Variants in MRC1 observed in about 807,000 individuals in gnomAD.
MRC1 encodes macrophage mannose receptor 1.
In MRC1, 62 loss-of-function variants were observed where a neutral mutation model predicts 102.9. That is an observed-to-expected ratio of 0.60 (90% CI 0.49 to 0.74). The LOEUF (loss-of-function observed/expected upper bound fraction) is 0.74, where lower values mean the gene tolerates loss of function less well. MRC1 is among the 30% of genes least tolerant of loss of function. The probability of loss-of-function intolerance (pLI) is 0.00; values close to 1 mark genes in which losing one functional copy is unlikely to be tolerated. For synonymous variants in MRC1, 457 were observed against 298.4 expected, an observed-to-expected ratio of 1.53 and a Z score of -5.48; for missense variants, 1,237 against 862.8, an observed-to-expected ratio of 1.43 and a Z score of -5.43.
At chr10:17,833,970 C>G in intron 4 of MRC1, 131 bp downstream of exon 4, 1 of 647,904 alleles carries the variant, frequency 1.5e-6, no homozygotes, top group Non-Finnish European at 2.8e-6. Flanking sequence ...ATGTGGATGT[C>G]ATGACAAATC....
intron 28 of MRC1, 97 bp from the exon 29 acceptor site, chr10:17,909,209 A>C: frequency 1.4e-6 from 1 of 735,108 alleles, no homozygotes; most frequent in Admixed American, 1.9e-5. Flanking sequence ...ACACACATCA[A>C]ATGTGGAGGA....
At position 17,878,108 on chromosome 10, in the gene MRC1, G is replaced by C. The variant is rs3736955; in HGVS notation, c.2618+141G>C. The C allele has an allele frequency of 3.6e-5, 22 of 617,178 alleles. No homozygotes were observed. The East Asian group carries it at 6.1e-4, about 17-fold the overall frequency. The allele number at this position is 617,178 out of a possible 1,614,324, so 38.2% of individuals were successfully genotyped here. A position where few individuals can be genotyped will look rare whatever the true frequency, so the allele number is the denominator to read the frequency against. ...CAATTGAAAAAGCAACTTGAAAAAA[G>C]GAATTTAAAATGATTCTATTAAATA... On this transcript the variant is annotated intron_variant, in intron 18 of 29. Transcript: ENST00000569591.
At chr10:17,850,767 C>T (rs1358420410) in intron 7 of MRC1, among the ~76,000 whole-genome samples, 3 of 151,914 alleles carry the variant, frequency 2.0e-5, no homozygotes, top group East Asian at 1.9e-4. Flanking sequence ...CTGATTGGGG[C>T]TGGGGGAGGG....
intron 11 of MRC1, 105 bp downstream of exon 11, chr10:17,863,787 C>T: frequency 1.5e-6 from 1 of 682,604 alleles, no homozygotes; most frequent in Non-Finnish European, 2.7e-6. Flanking sequence ...GTAAATTAGT[C>T]ATGCTTTTAG....
At chr10:17,840,942 GT>G in intron 5 of MRC1, 136 bp downstream of exon 5, 1 of 734,122 alleles carries the variant, frequency 1.4e-6, no homozygotes, top group Non-Finnish European at 2.5e-6. Flanking sequence ...ATTTCACCTT[GT>G]TTTGAAATCT....
At chr10:17,873,708 A>T (rs1012558947) in intron 15 of MRC1, 76 bp from the exon 16 acceptor site, 1 of 839,104 alleles carries the variant, frequency 1.2e-6, no homozygotes, top group East Asian at 2.4e-5. Context: ...GACTCATGAA[A>T]ATAGTGACAA....
chr10:17,867,339 CT>C (rs1833287465), intron 12 of MRC1, among the ~76,000 whole-genome samples: 1 of 142,296 alleles, frequency 7.0e-6, no homozygotes, highest in Admixed American at 7.3e-5. Flanking sequence ...CTTCTTCCTC[CT>C]CCTCCTCTTC....
chr10:17,880,133 T>G (rs1833493987), intron 19 of MRC1, among the ~76,000 whole-genome samples: 1 of 152,208 alleles, frequency 6.6e-6, no homozygotes, highest in Admixed American at 6.5e-5. Flanking sequence ...GGCTCCTTAT[T>G]ATTCTGCAAA....
At chr10:17,886,113 T>C (rs1008861196) in intron 22 of MRC1, among the ~76,000 whole-genome samples, 3 of 152,166 alleles carry the variant, frequency 2.0e-5, no homozygotes, top group African/African-American at 7.2e-5. Flanking sequence ...TGAACATGTC[T>C]AGTGACAGCA....
Position 17,833,807 on chromosome 10 carries a change from T to A in MRC1, c.770T>A (p.Ile257Asn). The A allele has an allele frequency of 2.6e-6, 2 of 781,114 alleles. No individual in the cohort carries two copies. The highest frequency in any genetic ancestry group is 3.4e-5 in the African/African-American group (2 of 59,278). 48.4% of individuals were successfully genotyped at this position (781,114 alleles called of 1,614,324 possible). A position where few individuals can be genotyped will look rare whatever the true frequency, so the allele number is the denominator to read the frequency against. Reference protein sequence around the residue: ...CQQQNAELLSITEIHEQTYLT... With the variant: ...CQQQNAELLSNTEIHEQTYLT... ...CAACAGAACGCTGAGCTCCTGAGCA[T>A]CACAGAGATTCATGAGCAAACATAC... The change falls in exon 4 of 30, where the codon ATC (isoleucine) becomes AAC (asparagine). Residue 257 changes from isoleucine (I) to asparagine (N), a missense_variant. By Grantham distance (149) the Ile-to-Asn change is moderately radical. Transcript: ENST00000569591.
intron 29 of MRC1, among the ~76,000 whole-genome samples, 159 bp downstream of exon 29, chr10:17,909,506 T>G (rs1164478637): frequency 6.6e-6 from 1 of 152,138 alleles, no homozygotes; most frequent in Non-Finnish European, 1.5e-5. Flanking sequence ...GAATAATACT[T>G]TAGAAAAAGA....
chr10:17,843,740 A>C (rs1838784286), intron 5 of MRC1, among the ~76,000 whole-genome samples: 1 of 152,180 alleles, frequency 6.6e-6, no homozygotes, highest in Non-Finnish European at 1.5e-5. Context: ...ATAAACTTTA[A>C]AAAAATCATT....
At chr10:17,863,218 T>C (rs894692277) in intron 10 of MRC1, among the ~76,000 whole-genome samples, 118 of 152,332 alleles carry the variant, frequency 7.7e-4, no homozygotes, top group Non-Finnish European at 1.5e-3. Context: ...GCATTAGTTT[T>C]CTTCTTTGTA....
intron 1 of MRC1, among the ~76,000 whole-genome samples, chr10:17,819,636 GC>G (rs1838366007): frequency 6.6e-6 from 1 of 152,102 alleles, no homozygotes; most frequent in African/African-American, 2.4e-5. Flanking sequence ...AGTTGATATT[GC>G]AGTTTGAGAC....
chr10:17,854,671 A>G, intron 8 of MRC1: 1 of 200,730 alleles, frequency 5.0e-6, no homozygotes, highest in Non-Finnish European at 1.0e-5. Context: ...AAGACAGACA[A>G]TACAGAAAAC....
At chr10:17,865,620 G>A (rs913128113) in intron 11 of MRC1, 2 of 152,528 alleles carry the variant, frequency 1.3e-5, no homozygotes, top group Admixed American at 1.3e-4. Context: ...TGGGCAAGGA[G>A]CCTGGGGCTC....
In MRC1 at chr10:17,837,665, G is replaced by T. The variant is rs1225506571; in HGVS notation, c.803-3028G>T. 2.0e-5 allele frequency among the ~76,000 whole-genome samples: 3 copies of T among 151,604 alleles called. No homozygotes were observed. In the East Asian group the frequency reaches 5.8e-4, roughly 29 times the overall value. ...TTTTTTTGAGACAAAGTCTCACTCTGTCGCCCGGGCTGGAGTGCAGTGGCA... is the reference window on the plus strand; with the variant it reads ...TTTTTTTGAGACAAAGTCTCACTCTTTCGCCCGGGCTGGAGTGCAGTGGCA... On this transcript the variant is annotated intron_variant, in intron 4 of 29. Coordinates refer to ENST00000569591, the MANE Select transcript of MRC1 (RefSeq NM_002438.4).
Position 17,900,097 on chromosome 10 carries a change from CAAAAAAAA to C in MRC1, c.3484-679_3484-672del, listed in dbSNP as rs1156472499. On this transcript the variant is annotated intron_variant, in intron 24 of 29. Transcript: ENST00000569591. The stretch of plus-strand genomic sequence containing the variant: ...TGGGGGACAAGAGCGAGACTTCTCT[CAAAAAAAA>C]AAAAAAAAAAAGAAAGAAATTGACT... Among the ~76,000 whole-genome samples the C allele has an allele frequency of 2.5e-4, 27 of 106,856 alleles. No individual in the cohort carries two copies. In the East Asian group the frequency reaches 4.3e-3, roughly 17 times the overall value. The allele number at this position is 106,856 out of a possible 152,430, so 70.1% of individuals were successfully genotyped here.
chr10:17,899,339 C>T (rs1009836893), intron 24 of MRC1, among the ~76,000 whole-genome samples: 49 of 152,238 alleles, frequency 3.2e-4, no homozygotes, highest in African/African-American at 1.1e-3. Flanking sequence ...TTTGATAAGT[C>T]ATTTGTTTTC....
Sources: gnomAD v4.1 joint callset for allele counts (sites outside exome capture counted in the v4.1 genomes callset) on GRCh38, gnomAD v4.1.1 for gene constraint, MANE v1.5 for transcripts, NCBI Gene and HGNC (gene_info 2026-07-23, HGNC 2026-07-21) for gene names.